Variants in THSD7A observed in about 807,000 individuals in gnomAD.
The protein encoded by THSD7A is thrombospondin type-1 domain-containing protein 7A.
THSD7A carries 96 observed loss-of-function variants against 231.3 expected under a neutral mutation model. That is an observed-to-expected ratio of 0.41 (90% CI 0.35 to 0.49). The LOEUF (loss-of-function observed/expected upper bound fraction) is 0.49, where lower values mean the gene tolerates loss of function less well. THSD7A is among the 20% of genes least tolerant of loss of function. The pLI is 0.05. For missense variants in THSD7A, 2,290 were observed against 2,070.2 expected, an observed-to-expected ratio of 1.11 and a Z score of -2.06; for synonymous variants, 940 against 743.3, an observed-to-expected ratio of 1.26 and a Z score of -4.30.
chr7:11,695,917 A>G (rs1780379451), intron 1 of THSD7A, among the ~76,000 whole-genome samples: 1 of 151,546 alleles, frequency 6.6e-6, no homozygotes, highest in Non-Finnish European at 1.5e-5. Context: ...GCCTAGGGAG[A>G]TAGGAGGCTA....
intron 23 of THSD7A, chr7:11,384,324 T>C (rs888826078): frequency 6.6e-6 from 1 of 151,732 alleles, no homozygotes; most frequent in Non-Finnish European, 1.5e-5. Flanking sequence ...TTTTTCAAGT[T>C]TGTGGCTTGT....
intron 4 of THSD7A, among the ~76,000 whole-genome samples, chr7:11,561,598 T>G (rs1790078746): frequency 6.6e-6 from 1 of 152,168 alleles, no homozygotes. Flanking sequence ...AGGCCAGGTG[T>G]GTTGGCTCAG....
At chr7:11,440,517 C>A (rs1784770478) in intron 13 of THSD7A, among the ~76,000 whole-genome samples, 1 of 152,016 alleles carries the variant, frequency 6.6e-6, no homozygotes, top group South Asian at 2.1e-4. Context: ...TAAGAACATT[C>A]ATGATTCATG....
intron 6 of THSD7A, among the ~76,000 whole-genome samples, chr7:11,502,539 G>T (rs999007098): frequency 6.6e-6 from 1 of 151,958 alleles, no homozygotes; most frequent in Non-Finnish European, 1.5e-5. Context: ...AAAAACCCAC[G>T]ATTATCTCAA....
chr7:11,674,395 G>A (rs1261036968), intron 1 of THSD7A, among the ~76,000 whole-genome samples: 1 of 152,110 alleles, frequency 6.6e-6, no homozygotes, highest in Admixed American at 6.6e-5. Flanking sequence ...TAAGCTTGGG[G>A]AGGGCACTTT....
chr7:11,454,005 A>T (rs1785225603), intron 11 of THSD7A, among the ~76,000 whole-genome samples: 1 of 152,058 alleles, frequency 6.6e-6, no homozygotes, highest in Admixed American at 6.6e-5. Context: ...AAATATGAAC[A>T]GAGAGAAAAG....
chr7:11,395,771 C>T (rs1377552619), intron 23 of THSD7A, among the ~76,000 whole-genome samples: 1 of 152,112 alleles, frequency 6.6e-6, no homozygotes, highest in African/African-American at 2.4e-5. Context: ...TGTAATCCGC[C>T]CGCCTCGGCC....
intron 2 of THSD7A, among the ~76,000 whole-genome samples, chr7:11,610,037 C>T (rs577710464): frequency 2.0e-5 from 3 of 151,794 alleles, no homozygotes; most frequent in South Asian, 4.2e-4. Context: ...AAAAACAACT[C>T]GAAAATGGTT....
intron 1 of THSD7A, among the ~76,000 whole-genome samples, chr7:11,650,189 T>C (rs116380926): frequency 0.01 from 1,585 of 152,146 alleles, 19 homozygotes; most frequent in African/African-American, 0.036. Flanking sequence ...CAACATATGG[T>C]TAAGTTTATA....
At position 11,379,074 on chromosome 7, in the gene THSD7A, C is replaced by A; in HGVS notation, c.4797G>T (p.Gly1599=). The A allele has an allele frequency of 6.2e-7, 1 of 1,612,950 alleles. No individual in the cohort carries two copies. Among genetic ancestry groups the A allele is most frequent in the South Asian group, 1.1e-5 (1 of 91,044 alleles). Residue 1599 remains glycine (G), a synonymous_variant, in exon 26 of 28, where the codon GGG becomes GGT. Transcript: ENST00000423059. The stretch of plus-strand genomic sequence containing the variant: ...ACACTAGTCTAGTCAGTTCACCTGG[C>A]CCAAATGGCTGTAGAAACCAGGTCC... ...RGRTWFLQPF[G]PDGRLKTWVY...
intron 1 of THSD7A, among the ~76,000 whole-genome samples, chr7:11,795,708 CT>C (rs1232842744): frequency 6.6e-6 from 1 of 151,694 alleles, no homozygotes; most frequent in Non-Finnish European, 1.5e-5. Context: ...TACGCTTCTG[CT>C]TCCTGAAAAT....
intron 13 of THSD7A, among the ~76,000 whole-genome samples, chr7:11,432,923 T>A (rs1251776957): frequency 6.6e-6 from 1 of 151,984 alleles, no homozygotes; most frequent in African/African-American, 2.4e-5. Context: ...GATCACAAAT[T>A]TGGCATGAAG....
chr7:11,723,220 G>T (rs527411861), intron 1 of THSD7A, among the ~76,000 whole-genome samples: 3 of 150,466 alleles, frequency 2.0e-5, no homozygotes, highest in African/African-American at 4.9e-5. Flanking sequence ...GCAAACTATC[G>T]CAAGGACAAA....
intron 4 of THSD7A, among the ~76,000 whole-genome samples, chr7:11,546,202 G>GCGCACGCGCA (rs761841418): frequency 2.3e-5 from 3 of 129,374 alleles, no homozygotes; most frequent in Non-Finnish European, 3.3e-5. Context: ...GTGGGCGCGC[G>GCGCACGCGCA]CTCACACACA....
intron 6 of THSD7A, among the ~76,000 whole-genome samples, chr7:11,506,817 T>C (rs935881085): frequency 6.6e-6 from 1 of 152,216 alleles, no homozygotes; most frequent in African/African-American, 2.4e-5. Context: ...TCCATTTAAC[T>C]TCTATCTTCC....
chr7:11,491,544 G>A (rs758354173), intron 6 of THSD7A, among the ~76,000 whole-genome samples: 4 of 152,040 alleles, frequency 2.6e-5, no homozygotes, highest in Non-Finnish European at 4.4e-5. Flanking sequence ...AATGTTTTCT[G>A]GAAGTGCTAT....
chr7:11,420,210 T>C (rs57088377), intron 16 of THSD7A, among the ~76,000 whole-genome samples: 13,445 of 152,094 alleles, frequency 0.088, 589 homozygotes, highest in Non-Finnish European at 0.096. Flanking sequence ...ATGGGGAAAA[T>C]GCCTCCAAGA....
At chr7:11,747,729 G>T (rs1399632940) in intron 1 of THSD7A, among the ~76,000 whole-genome samples, 1 of 151,868 alleles carries the variant, frequency 6.6e-6, no homozygotes, top group African/African-American at 2.4e-5. Flanking sequence ...AGGGGTGTTT[G>T]TGTGGCTCAA....
intron 2 of THSD7A, among the ~76,000 whole-genome samples, chr7:11,601,368 T>C (rs971859142): frequency 1.3e-5 from 2 of 152,170 alleles, no homozygotes; most frequent in African/African-American, 4.8e-5. Context: ...TTGTTTATGA[T>C]AAAATATCTC....
Sources: gnomAD v4.1 joint callset for allele counts (sites outside exome capture counted in the v4.1 genomes callset) on GRCh38, gnomAD v4.1.1 for gene constraint, MANE v1.5 for transcripts, NCBI Gene and HGNC (gene_info 2026-07-23, HGNC 2026-07-21) for gene names.